SCFD2: variants seen among roughly 807,000 people sequenced by gnomAD.
SCFD2 encodes the protein sec1 family domain containing 2, also known as sec1 family domain-containing protein 2.
A neutral mutation model predicts 58.9 loss-of-function variants in SCFD2; 54 were observed. That is an observed-to-expected ratio of 0.92 (90% confidence interval 0.74 to 1.15). SCFD2 has a LOEUF of 1.15. Ranked by LOEUF, SCFD2 falls within the 50% of genes most tolerant of loss-of-function variation. The pLI is 0.00. For synonymous variants in SCFD2, 321 were observed against 335.9 expected (o/e 0.96, Z 0.49); for missense variants, 805 against 836.6 (o/e 0.96, Z 0.47).
chr4:53,081,101 T>A (rs1338718832), intron 5 of SCFD2, among the ~76,000 whole-genome samples: 1 of 152,206 alleles, frequency 6.6e-6, no homozygotes, highest in Non-Finnish European at 1.5e-5. Flanking sequence ...AACACATGAT[T>A]AAATCTATAC....
At chr4:53,075,744 G>C (rs1360786080) in intron 5 of SCFD2, among the ~76,000 whole-genome samples, 1 of 152,060 alleles carries the variant, frequency 6.6e-6, no homozygotes, top group East Asian at 1.9e-4. Context: ...TCTTACATGG[G>C]GGTAGTTCAT....
intron 7 of SCFD2, among the ~76,000 whole-genome samples, chr4:52,886,203 C>T (rs974584247): frequency 1.4e-4 from 21 of 152,142 alleles, no homozygotes; most frequent in Admixed American, 1.0e-3. Flanking sequence ...CATCTTTGAG[C>T]GGTGACTTTG....
chr4:53,209,821 G>A (rs1235303605), intron 4 of SCFD2, among the ~76,000 whole-genome samples: 3 of 151,748 alleles, frequency 2.0e-5, no homozygotes, highest in Admixed American at 2.0e-4. Context: ...TTTTGAGTGT[G>A]ATTTAGGCAA....
chr4:52,978,666 T>C (rs1469294033), intron 5 of SCFD2, among the ~76,000 whole-genome samples: 2 of 151,238 alleles, frequency 1.3e-5, no homozygotes, highest in African/African-American at 4.8e-5. Context: ...GAGGCATGTT[T>C]TGCTTTAAAA....
chr4:53,248,174 G>A (rs1730179364), intron 4 of SCFD2, among the ~76,000 whole-genome samples: 1 of 152,192 alleles, frequency 6.6e-6, no homozygotes. Context: ...ACGGCACCTT[G>A]AAAATCGGGC....
chr4:53,346,835 A>T (rs1052306065), intron 2 of SCFD2, among the ~76,000 whole-genome samples: 1 of 152,222 alleles, frequency 6.6e-6, no homozygotes, highest in African/African-American at 2.4e-5. Flanking sequence ...AAGAGACAAC[A>T]ACTTTCTTTC....
Position 53,255,852 on chromosome 4 carries a change from C to A in SCFD2, c.1311+17974G>T, listed in dbSNP as rs969880068. ...TGGCCGGGCGGGGGGCTGACCCCCC[C>A]ACCTCCATCCCGGACGGGGCGGCTG... On this transcript the variant is annotated intron_variant, in intron 4 of 8. Transcript: ENST00000401642. Among the ~76,000 whole-genome samples the A allele has an allele frequency of 3.6e-4, 53 of 147,930 alleles. 3 individuals carry two copies. Among genetic ancestry groups the A allele is most frequent in the African/African-American group, 1.3e-3 (53 of 40,150 alleles).
chr4:52,996,610 C>T (rs752919662), intron 5 of SCFD2, among the ~76,000 whole-genome samples: 7 of 152,124 alleles, frequency 4.6e-5, no homozygotes, highest in Admixed American at 1.3e-4. Context: ...GGAGTATATG[C>T]GGCTTGGGGT....
At chr4:53,044,239 G>C in intron 5 of SCFD2, among the ~76,000 whole-genome samples, 1 of 152,038 alleles carries the variant, frequency 6.6e-6, no homozygotes, top group East Asian at 1.9e-4. Context: ...ACCTGCATCA[G>C]AGTCTGAGGC....
At chr4:53,007,325 A>AGAGAGAGG (rs1302605335) in intron 5 of SCFD2, among the ~76,000 whole-genome samples, 4 of 133,714 alleles carry the variant, frequency 3.0e-5, no homozygotes, top group Non-Finnish European at 6.4e-5. Flanking sequence ...AGAGAGAGAG[A>AGAGAGAGG]GAGAGAGAGG....
chr4:53,289,994 C>T (rs573627108), intron 3 of SCFD2, among the ~76,000 whole-genome samples: 17 of 151,916 alleles, frequency 1.1e-4, no homozygotes, highest in Admixed American at 2.6e-4. Flanking sequence ...AAATATTAAC[C>T]GTCATGAAGA....
intron 5 of SCFD2, among the ~76,000 whole-genome samples, chr4:52,947,403 T>C (rs775067588): frequency 1.2e-4 from 18 of 152,222 alleles, no homozygotes; most frequent in Non-Finnish European, 2.5e-4. Flanking sequence ...AGCAATTCAG[T>C]ACAATTTCAA....
At chr4:53,193,799 C>T (rs1727982184) in intron 4 of SCFD2, among the ~76,000 whole-genome samples, 1 of 152,000 alleles carries the variant, frequency 6.6e-6, no homozygotes, top group Admixed American at 6.6e-5. Flanking sequence ...ATATTTTATT[C>T]TTATCAAAGT....
chr4:53,101,583 T>TTTG (rs1218706038), intron 5 of SCFD2, among the ~76,000 whole-genome samples: 3 of 152,142 alleles, frequency 2.0e-5, no homozygotes, highest in Non-Finnish European at 4.4e-5. Context: ...AATCAGAACT[T>TTTG]TAAGAACCAC....
chr4:52,924,006 C>T (rs1483622851), intron 5 of SCFD2, among the ~76,000 whole-genome samples: 1 of 152,040 alleles, frequency 6.6e-6, no homozygotes, highest in East Asian at 1.9e-4. Flanking sequence ...TTTAAAAAGG[C>T]ACAAAAACAA....
At chr4:52,944,526 G>A (rs148180773) in intron 5 of SCFD2, among the ~76,000 whole-genome samples, 2 of 152,278 alleles carry the variant, frequency 1.3e-5, no homozygotes, top group East Asian at 3.9e-4. Context: ...AGAGAACTAT[G>A]CAACACTGTA....
intron 5 of SCFD2, among the ~76,000 whole-genome samples, chr4:53,028,134 C>T (rs1382417874): frequency 6.6e-6 from 1 of 151,946 alleles, no homozygotes; most frequent in South Asian, 2.1e-4. Flanking sequence ...GTAGTCCCAG[C>T]TACTTAGGAG....
In SCFD2 at chr4:53,282,359, T is replaced by C. The variant is rs570557388; in HGVS notation, c.1136-8358A>G. ...TCTACACTTCTTTCTATATTCTCTCTCCTTTGTTCCTACATTTTAGGAGAT... is the reference window on the plus strand; with the variant it reads ...TCTACACTTCTTTCTATATTCTCTCCCCTTTGTTCCTACATTTTAGGAGAT... On this transcript the variant is annotated intron_variant, in intron 3 of 8. Coordinates refer to ENST00000401642, the MANE Select transcript of SCFD2 (RefSeq NM_152540.4). 5.9e-5 allele frequency among the ~76,000 whole-genome samples: 9 copies of C among 152,324 alleles called. No homozygotes were observed. In the South Asian group the frequency reaches 1.9e-3, roughly 32 times the overall value.
intron 7 of SCFD2, among the ~76,000 whole-genome samples, chr4:52,905,071 G>A (rs1719313490): frequency 6.6e-6 from 1 of 152,218 alleles, no homozygotes; most frequent in Non-Finnish European, 1.5e-5. Flanking sequence ...TATAACTTTG[G>A]ATAGTAAGAG....
Sources: gnomAD v4.1 joint callset for allele counts (sites outside exome capture counted in the v4.1 genomes callset) on GRCh38, gnomAD v4.1.1 for gene constraint, MANE v1.5 for transcripts, NCBI Gene and HGNC (gene_info 2026-07-23, HGNC 2026-07-21) for gene names.